MYO16: variants seen among roughly 807,000 people sequenced by gnomAD.
MYO16 encodes the protein myosin XVI.
In MYO16, 94 loss-of-function variants were observed where a neutral mutation model predicts 205.3. The observed-to-expected ratio is 0.46, with a 90% CI of 0.39 to 0.54. The LOEUF (loss-of-function observed/expected upper bound fraction) is 0.54. Ranked by LOEUF, MYO16 falls within the 20% of genes least tolerant of loss-of-function variation. The pLI is 0.00. For missense variants in MYO16, 2,315 were observed against 2,387.5 expected, an observed-to-expected ratio of 0.97 and a Z score of 0.63; for synonymous variants, 988 against 954.0, an observed-to-expected ratio of 1.04 and a Z score of -0.66.
intron 27 of MYO16, among the ~76,000 whole-genome samples, chr13:109,090,920 A>C (rs1888600208): frequency 6.6e-6 from 1 of 152,094 alleles, no homozygotes; most frequent in South Asian, 2.1e-4. Flanking sequence ...ATCTCTCTCA[A>C]GCCCACTTGT....
chr13:108,669,487 G>A (rs936603095), intron 2 of MYO16, among the ~76,000 whole-genome samples: 2 of 152,084 alleles, frequency 1.3e-5, no homozygotes, highest in Admixed American at 6.5e-5. Context: ...GGGAACAGAC[G>A]TTAAGAGCTT....
chr13:108,789,601 C>G (rs9587688), intron 5 of MYO16, among the ~76,000 whole-genome samples: 74,787 of 151,622 alleles, frequency 0.49, 18,653 homozygotes, highest in South Asian at 0.52. Flanking sequence ...TGGGAGAAAG[C>G]AATGGGTAGA....
intron 16 of MYO16, among the ~76,000 whole-genome samples, chr13:108,936,299 C>A (rs904094244): frequency 5.3e-5 from 8 of 152,114 alleles, no homozygotes; most frequent in Non-Finnish European, 1.2e-4. Flanking sequence ...GAATTGATAC[C>A]AGCTCTTCTT....
intron 32 of MYO16, among the ~76,000 whole-genome samples, chr13:109,164,543 G>T (rs1278611609): frequency 6.6e-6 from 1 of 152,088 alleles, no homozygotes; most frequent in East Asian, 1.9e-4. Flanking sequence ...CTGTAAGATT[G>T]CCTTAATTTA....
At chr13:108,913,464 T>A (rs993675120) in intron 16 of MYO16, among the ~76,000 whole-genome samples, 3 of 152,234 alleles carry the variant, frequency 2.0e-5, no homozygotes, top group Non-Finnish European at 4.4e-5. Context: ...ATTTGTTTAA[T>A]GTTTAAATTT....
At chr13:108,939,894 A>G (rs1882651497) in intron 16 of MYO16, among the ~76,000 whole-genome samples, 2 of 152,166 alleles carry the variant, frequency 1.3e-5, no homozygotes, top group South Asian at 4.1e-4. Flanking sequence ...TTCATATCAT[A>G]TATTAGCTTT....
At chr13:108,847,341 A>T (rs1877574926) in intron 10 of MYO16, among the ~76,000 whole-genome samples, 1 of 152,160 alleles carries the variant, frequency 6.6e-6, no homozygotes, top group African/African-American at 2.4e-5. Context: ...GCTCCTGTGT[A>T]TTTATGTCCT....
At chr13:109,102,618 A>G (rs1033257284) in intron 28 of MYO16, among the ~76,000 whole-genome samples, 2 of 152,078 alleles carry the variant, frequency 1.3e-5, no homozygotes, top group Admixed American at 1.3e-4. Context: ...TTATTTCACT[A>G]AGAGAGTGAT....
intron 9 of MYO16, among the ~76,000 whole-genome samples, chr13:108,828,717 G>A (rs541533575): frequency 1.4e-4 from 22 of 152,234 alleles, no homozygotes; most frequent in South Asian, 1.2e-3. Context: ...GGACAGGCTC[G>A]AGATGGAGTT....
chr13:108,807,442 C>A (rs911189336), intron 7 of MYO16, among the ~76,000 whole-genome samples: 2 of 152,070 alleles, frequency 1.3e-5, no homozygotes, highest in East Asian at 3.9e-4. Context: ...TTTGACAGCA[C>A]CTCCTGTAAA....
chr13:108,875,200 T>C (rs1302440582), intron 12 of MYO16, among the ~76,000 whole-genome samples: 1 of 152,148 alleles, frequency 6.6e-6, no homozygotes, highest in Non-Finnish European at 1.5e-5. Flanking sequence ...AAGAATCCTC[T>C]TGTTTCAATT....
chr13:108,941,381 A>T (rs1174824855), intron 16 of MYO16, among the ~76,000 whole-genome samples: 1 of 152,154 alleles, frequency 6.6e-6, no homozygotes, highest in Non-Finnish European at 1.5e-5. Flanking sequence ...AAGACTGCCC[A>T]TGGAATAAAA....
chr13:108,675,219 A>G (rs997447962), intron 2 of MYO16, among the ~76,000 whole-genome samples: 1 of 152,222 alleles, frequency 6.6e-6, no homozygotes, highest in African/African-American at 2.4e-5. Context: ...CTCCACATAC[A>G]TACCTACATC....
intron 12 of MYO16, among the ~76,000 whole-genome samples, chr13:108,867,342 G>A (rs1042425258): frequency 2.6e-5 from 4 of 151,928 alleles, no homozygotes; most frequent in Non-Finnish European, 5.9e-5. Context: ...CTCCAGCCTG[G>A]GAGACAGATT....
the MYO16 span, among the ~76,000 whole-genome samples, chr13:108,558,730 C>T: frequency 6.6e-6 from 1 of 152,154 alleles, no homozygotes; most frequent in South Asian, 2.1e-4. Flanking sequence ...TGAGCACCTG[C>T]CACAGAAAGT....
At chr13:109,037,792 C>A (rs1017693789) in intron 23 of MYO16, among the ~76,000 whole-genome samples, 3 of 152,094 alleles carry the variant, frequency 2.0e-5, no homozygotes, top group Non-Finnish European at 4.4e-5. Context: ...CCCTGGTTAT[C>A]CAGGCCCTGG....
At chr13:108,602,665 G>T (rs1235815608) in intron 1 of MYO16, among the ~76,000 whole-genome samples, 1 of 152,064 alleles carries the variant, frequency 6.6e-6, no homozygotes, top group East Asian at 1.9e-4. Flanking sequence ...TTAAATAAAG[G>T]CTATGTTGGA....
At chr13:109,147,652 C>G (rs1241314546) in intron 32 of MYO16, among the ~76,000 whole-genome samples, 1 of 152,006 alleles carries the variant, frequency 6.6e-6, no homozygotes, top group African/African-American at 2.4e-5. Context: ...TTGATGATTT[C>G]TCCCCACAGT....
intron 2 of MYO16, among the ~76,000 whole-genome samples, chr13:108,668,671 T>C (rs553426111): frequency 6.6e-6 from 1 of 152,154 alleles, no homozygotes; most frequent in Non-Finnish European, 1.5e-5. Flanking sequence ...ACGCTTCAGT[T>C]TGCCTGTTTC....
Sources: gnomAD v4.1 joint callset for allele counts (sites outside exome capture counted in the v4.1 genomes callset) on GRCh38, gnomAD v4.1.1 for gene constraint, MANE v1.5 for transcripts, NCBI Gene and HGNC (gene_info 2026-07-23, HGNC 2026-07-21) for gene names.